CNTN4: variants seen among roughly 807,000 people sequenced by gnomAD.
The protein encoded by CNTN4 is contactin 4, also known as contactin-4.
A neutral mutation model predicts 122.5 loss-of-function variants in CNTN4; 77 were observed. That is an observed-to-expected ratio of 0.63 (90% confidence interval 0.52 to 0.76). CNTN4 has a LOEUF of 0.76. CNTN4 is among the 30% of genes least tolerant of loss of function. CNTN4 has a pLI of 0.00. For missense variants in CNTN4, 1,256 were observed against 1,259.1 expected, an observed-to-expected ratio of 1.00 and a Z score of 0.04; for synonymous variants, 512 against 447.0, an observed-to-expected ratio of 1.15 and a Z score of -1.83.
intron 15 of CNTN4, among the ~76,000 whole-genome samples, chr3:3,026,846 A>G (rs570260596): frequency 8.5e-5 from 13 of 152,294 alleles, no homozygotes; most frequent in African/African-American, 2.9e-4. Flanking sequence ...CCATAACGGT[A>G]TATTATCATT....
At chr3:2,672,584 T>G (rs958139728) in intron 4 of CNTN4, among the ~76,000 whole-genome samples, 1 of 152,196 alleles carries the variant, frequency 6.6e-6, no homozygotes, top group Non-Finnish European at 1.5e-5. Context: ...TGCGTCGCCC[T>G]GCTTCGGCTC....
intron 6 of CNTN4, among the ~76,000 whole-genome samples, chr3:2,799,858 C>G (rs1253789674): frequency 6.6e-6 from 1 of 152,020 alleles, no homozygotes; most frequent in Non-Finnish European, 1.5e-5. Flanking sequence ...TATGACAATC[C>G]ATTTTTCCCA....
chr3:2,528,922 C>T (rs781350289), intron 3 of CNTN4, among the ~76,000 whole-genome samples: 13 of 152,080 alleles, frequency 8.5e-5, no homozygotes, highest in Middle Eastern at 3.2e-3. Flanking sequence ...CATATCCTGT[C>T]ACCTCAACAT....
At chr3:2,200,501 A>G (rs61012502) in intron 2 of CNTN4, among the ~76,000 whole-genome samples, 6,815 of 152,196 alleles carry the variant, frequency 0.045, 268 homozygotes, top group African/African-American at 0.11. Context: ...AACATTGGTA[A>G]GTACAACCCA....
At chr3:2,907,275 G>C (rs563687044) in intron 12 of CNTN4, among the ~76,000 whole-genome samples, 1 of 152,262 alleles carries the variant, frequency 6.6e-6, no homozygotes, top group East Asian at 1.9e-4. Context: ...ATAATCTCTT[G>C]TTAAGATTAT....
chr3:2,612,643 A>G (rs765486326), intron 4 of CNTN4, among the ~76,000 whole-genome samples: 2 of 152,156 alleles, frequency 1.3e-5, no homozygotes, highest in East Asian at 1.9e-4. Context: ...TAGATAAAAT[A>G]TATTTTGATT....
chr3:2,616,766 C>G (rs988185600), intron 4 of CNTN4, among the ~76,000 whole-genome samples: 1 of 152,154 alleles, frequency 6.6e-6, no homozygotes, highest in Admixed American at 6.6e-5. Flanking sequence ...GTAACGAAAA[C>G]AGCATGGTAC....
intron 9 of CNTN4, among the ~76,000 whole-genome samples, chr3:2,884,917 A>G (rs1440145210): frequency 2.6e-5 from 4 of 152,212 alleles, no homozygotes; most frequent in African/African-American, 9.6e-5. Context: ...ATCACTGCCC[A>G]CTTAAGAGCA....
intron 3 of CNTN4, among the ~76,000 whole-genome samples, chr3:2,476,106 T>A (rs141038333): frequency 6.6e-6 from 1 of 152,310 alleles, no homozygotes; most frequent in East Asian, 1.9e-4. Context: ...TGTTCATGAC[T>A]GGTGGGCCAG....
Position 2,395,921 on chromosome 3 carries a change from A to G in CNTN4, c.-89+56688A>G, listed in dbSNP as rs532732894. ...TATAGGTAGCTCTTGTGTTGAAGAA[A>G]CTACTACATGTGAATTCTTGTGCTT... On this transcript the variant is annotated intron_variant, in intron 3 of 24. Transcript: ENST00000418658. Among the ~76,000 whole-genome samples the G allele has an allele frequency of 3.9e-5, 6 of 152,294 alleles. No individual in the cohort carries two copies. The South Asian group carries it at 1.2e-3, about 32-fold the overall frequency.
At chr3:2,657,405 C>G (rs970182016) in intron 4 of CNTN4, among the ~76,000 whole-genome samples, 2 of 152,108 alleles carry the variant, frequency 1.3e-5, no homozygotes. Context: ...ATGTAGGAGT[C>G]TCCTTGTGGG....
At chr3:2,835,030 C>A (rs1030147042) in intron 7 of CNTN4, among the ~76,000 whole-genome samples, 2 of 150,524 alleles carry the variant, frequency 1.3e-5, no homozygotes, top group Non-Finnish European at 2.9e-5. Context: ...TCAGCCTTCC[C>A]AGTAGCTGGG....
intron 5 of CNTN4, among the ~76,000 whole-genome samples, chr3:2,736,687 T>C (rs565095907): frequency 2.4e-3 from 362 of 152,036 alleles, no homozygotes; most frequent in Non-Finnish European, 3.8e-3. Context: ...GGTCTTGAAC[T>C]CCCAACCTCA....
intron 4 of CNTN4, among the ~76,000 whole-genome samples, chr3:2,643,447 C>A (rs1405097628): frequency 6.6e-6 from 1 of 152,148 alleles, no homozygotes; most frequent in African/African-American, 2.4e-5. Flanking sequence ...TGCTGGGTTA[C>A]AGTCCTGAGC....
At position 2,403,094 on chromosome 3, in the gene CNTN4, A is replaced by G. The variant is rs527783507; in HGVS notation, c.-89+63861A>G. ...TCTAGCTTTGGGTGGTTTGATAGCA[A>G]TCCTTGGCCTTCTTTGTCTTGTATC... On this transcript the variant is annotated intron_variant, in intron 3 of 24. Transcript: ENST00000418658. Among the ~76,000 whole-genome samples, 23 of 152,170 alleles carry G rather than the reference A, an allele frequency of 1.5e-4. No individual in the cohort carries two copies. In the South Asian group the frequency reaches 3.9e-3, roughly 26 times the overall value.
intron 13 of CNTN4, among the ~76,000 whole-genome samples, chr3:2,940,086 T>C (rs1162255055): frequency 6.6e-6 from 1 of 152,202 alleles, no homozygotes; most frequent in Non-Finnish European, 1.5e-5. Context: ...GAAACATGAC[T>C]TTCCAAATTG....
intron 2 of CNTN4, among the ~76,000 whole-genome samples, chr3:2,322,043 C>T (rs2043292528): frequency 1.3e-5 from 2 of 152,144 alleles, no homozygotes; most frequent in South Asian, 2.1e-4. Context: ...TAAATGCCCT[C>T]AGGAGCAGTG....
At chr3:2,217,090 G>A (rs2038874986) in intron 2 of CNTN4, among the ~76,000 whole-genome samples, 1 of 152,090 alleles carries the variant, frequency 6.6e-6, no homozygotes, top group Non-Finnish European at 1.5e-5. Context: ...GACTTTATCT[G>A]ACTTAAAGTT....
chr3:2,899,685 G>A (rs1260370215), intron 10 of CNTN4, among the ~76,000 whole-genome samples: 1 of 152,122 alleles, frequency 6.6e-6, no homozygotes, highest in Non-Finnish European at 1.5e-5. Context: ...TTTGGGCAGC[G>A]GGGGTAGTGG....
Sources: allele counts gnomAD v4.1 joint callset (sites outside exome capture counted in the v4.1 genomes callset), GRCh38; gene constraint gnomAD v4.1.1; transcripts MANE v1.5; gene names NCBI Gene and HGNC (gene_info 2026-07-23, HGNC 2026-07-21).